Variants in LRRC7 observed in about 807,000 individuals in gnomAD.
LRRC7 encodes the protein leucine-rich repeat-containing protein 7.
LRRC7 carries 23 observed loss-of-function variants against 175.7 expected under a neutral mutation model. That is an observed-to-expected ratio of 0.13 (90% CI 0.09 to 0.19). The LOEUF (loss-of-function observed/expected upper bound fraction) is 0.19. Among genes scored for constraint, LRRC7 ranks in the 10% least tolerant of loss-of-function variants. The pLI is 1.00. For synonymous variants in LRRC7, 685 were observed against 680.9 expected (o/e 1.01, Z -0.09); for missense variants, 1,354 against 1,904.7 (o/e 0.71, Z 5.38).
intron 26 of LRRC7, among the ~76,000 whole-genome samples, chr1:70,116,204 C>T (rs1257501664): frequency 1.3e-5 from 2 of 152,134 alleles, no homozygotes; most frequent in African/African-American, 2.4e-5. Context: ...TTTTATGAGC[C>T]TTAATTCATG....
intron 8 of LRRC7, among the ~76,000 whole-genome samples, chr1:69,977,205 A>G (rs1490813758): frequency 6.6e-6 from 1 of 151,922 alleles, no homozygotes; most frequent in African/African-American, 2.4e-5. Context: ...TTTATTCCTC[A>G]TTACCTCTTT....
At chr1:69,757,173 T>A (rs1670525224) in intron 2 of LRRC7, among the ~76,000 whole-genome samples, 1 of 151,934 alleles carries the variant, frequency 6.6e-6, no homozygotes. Flanking sequence ...TACTTCCTAA[T>A]TAATAGAGCA....
intron 1 of LRRC7, among the ~76,000 whole-genome samples, chr1:69,655,030 C>T (rs1200075416): frequency 6.6e-6 from 1 of 151,992 alleles, no homozygotes; most frequent in East Asian, 1.9e-4. Context: ...TTCTATATCT[C>T]GAAGCTAATT....
intron 18 of LRRC7, among the ~76,000 whole-genome samples, chr1:70,034,690 C>T (rs1268796225): frequency 6.6e-6 from 1 of 152,154 alleles, no homozygotes; most frequent in African/African-American, 2.4e-5. Flanking sequence ...GCTGGATCTT[C>T]GTCTAATCAT....
At chr1:69,776,720 T>A in intron 3 of LRRC7, among the ~76,000 whole-genome samples, 1 of 151,682 alleles carries the variant, frequency 6.6e-6, no homozygotes, top group East Asian at 1.9e-4. Context: ...TGTGTGGGTG[T>A]GTGTGTGGGT....
intron 2 of LRRC7, among the ~76,000 whole-genome samples, chr1:69,722,665 G>C (rs1044005499): frequency 2.0e-5 from 3 of 151,982 alleles, no homozygotes; most frequent in Non-Finnish European, 4.4e-5. Flanking sequence ...CGTTCTGCCA[G>C]GCATAAAGTA....
In LRRC7 at chr1:70,093,792, A is replaced by C. The variant is rs183785231; in HGVS notation, c.4545+3973A>C. 7.5e-4 allele frequency among the ~76,000 whole-genome samples: 114 copies of C among 152,316 alleles called. 1 individual carries two copies. The highest frequency in any genetic ancestry group is 2.7e-3 in the African/African-American group (114 of 41,584). ...GATTCTGCCAATGGAGCAAGCCACA[A>C]TATTCTTTGCTTGTATGTAAGCACT... On this transcript the variant is annotated intron_variant, in intron 25 of 26. Coordinates refer to ENST00000651989, the MANE Select transcript of LRRC7 (RefSeq NM_001370785.2).
rs148625892 is a variant in LRRC7, at chr1:70,108,115, A to G, written c.4620+289A>G. On this transcript the variant is annotated intron_variant, in intron 26 of 26. Coordinates refer to ENST00000651989, the MANE Select transcript of LRRC7 (RefSeq NM_001370785.2). ...TAAGAAATATATATATTATATATAT[A>G]TATTAATCTATGCATAGTTATCAAG... 2.6e-3 allele frequency among the ~76,000 whole-genome samples: 388 copies of G among 149,874 alleles called. 3 individuals are homozygous for G. Among genetic ancestry groups the G allele is most frequent in the Admixed American group, 7.1e-3 (106 of 14,990 alleles).
At chr1:69,844,333 C>T (rs1358331638) in intron 7 of LRRC7, among the ~76,000 whole-genome samples, 1 of 152,020 alleles carries the variant, frequency 6.6e-6, no homozygotes, top group Non-Finnish European at 1.5e-5. Context: ...AAACTTTATA[C>T]CAATTGAACA....
intron 1 of LRRC7, among the ~76,000 whole-genome samples, chr1:69,668,933 A>G (rs530164310): frequency 7.4e-4 from 113 of 152,304 alleles, no homozygotes; most frequent in Admixed American, 1.9e-3. Context: ...TTTTGGCCAC[A>G]TAAATGTCTT....
intron 2 of LRRC7, among the ~76,000 whole-genome samples, chr1:69,686,207 CTG>C (rs1661118584): frequency 6.6e-6 from 1 of 152,108 alleles, no homozygotes; most frequent in Non-Finnish European, 1.5e-5. Flanking sequence ...AGAAAGAAAA[CTG>C]AGAGAATTTG....
chr1:70,009,594 T>G (rs952335816), intron 11 of LRRC7, among the ~76,000 whole-genome samples: 14 of 152,190 alleles, frequency 9.2e-5, no homozygotes, highest in Non-Finnish European at 1.3e-4. Context: ...CTGTGCTAAG[T>G]TCTTAATAAC....
In LRRC7 at chr1:69,688,645, T is replaced by TTTTTA. The variant is rs111722010; in HGVS notation, c.100+10167_100+10168insTTTTA. Among the ~76,000 whole-genome samples, 22 of 148,362 alleles carry TTTTTA rather than the reference T, an allele frequency of 1.5e-4. No homozygotes were observed. In the South Asian group the frequency reaches 4.0e-3, roughly 27 times the overall value. On this transcript the variant is annotated intron_variant, in intron 2 of 26. Transcript: ENST00000651989. ...TTCTTTTTATGGTTTTTTTTTTTTT[T>TTTTTA]AAAAAAAACCTCTTAGAAGCCTTAG...
rs762092207 is a variant in LRRC7 at position 70,038,156 on chromosome 1, CTCAGCCAGCGGGAG to C, written c.2333_2346del (p.Leu778ArgfsTer12). 2 of 1,613,346 alleles carry C rather than the reference CTCAGCCAGCGGGAG, an allele frequency of 1.2e-6. No individual in the cohort carries two copies. The highest frequency in any genetic ancestry group is 1.1e-5 in the South Asian group (1 of 90,926). ...ACAGCCTCTTGATTCAAAGCCATTACTCAGCCAGCGGGAGGCTGTTCCCCCAGGCAATATACCAC... is the reference window on the plus strand; with the variant it reads ...ACAGCCTCTTGATTCAAAGCCATTACGCTGTTCCCCCAGGCAATATACCAC... On this transcript the variant is annotated frameshift_variant, in exon 21 of 27. Coordinates refer to ENST00000651989, the MANE Select transcript of LRRC7 (RefSeq NM_001370785.2). LOFTEE classifies it high-confidence loss of function.
rs551602797 is a variant in LRRC7 at position 70,136,785 on chromosome 1, A to G, written c.*14898A>G. 1.1e-3 allele frequency among the ~76,000 whole-genome samples: 146 copies of G among 129,714 alleles called. No individual in the cohort carries two copies. The highest frequency in any genetic ancestry group is 4.4e-3 in the African/African-American group (144 of 32,846). The allele number at this position is 129,714 out of a possible 152,430, so 85.1% of individuals were successfully genotyped here. On this transcript the variant is annotated 3_prime_UTR_variant, in exon 27 of 27. Transcript: ENST00000651989. ...TGCTCTGTCACCCAGGTTGGAGTGC[A>G]GTGGCATGATCATGGCCCACTGCAG...
chr1:69,690,663 G>T (rs999040292), intron 2 of LRRC7, among the ~76,000 whole-genome samples: 1 of 152,110 alleles, frequency 6.6e-6, no homozygotes, highest in African/African-American at 2.4e-5. Flanking sequence ...AGGTTCATAT[G>T]CCCACTATAC....
At position 69,568,102 on chromosome 1, in the gene LRRC7, C is replaced by G. The variant is rs1646400540; in HGVS notation, c.-538C>G. Among the ~76,000 whole-genome samples, 1 of 152,162 alleles carries G rather than the reference C, an allele frequency of 6.6e-6. No homozygotes were observed. Among genetic ancestry groups the G allele is most frequent in the South Asian group, 2.1e-4 (1 of 4,830 alleles). On this transcript the variant is annotated 5_prime_UTR_variant, in exon 1 of 27. Coordinates refer to ENST00000651989, the MANE Select transcript of LRRC7 (RefSeq NM_001370785.2). ...TGCAGTTGCGGAGCGCTCAGCCCCTCCGAGACGCCCGCTGCGCCCTGGCCC... is the reference window on the plus strand; with the variant it reads ...TGCAGTTGCGGAGCGCTCAGCCCCTGCGAGACGCCCGCTGCGCCCTGGCCC...
At chr1:70,077,666 A>G (rs10493471) in intron 24 of LRRC7, among the ~76,000 whole-genome samples, 23,380 of 152,124 alleles carry the variant, frequency 0.15, 2,871 homozygotes, top group African/African-American at 0.33. Context: ...TTAGCATGCA[A>G]TTATTCTGAA....
chr1:69,865,556 C>T (rs1377964713), intron 7 of LRRC7, among the ~76,000 whole-genome samples: 4 of 135,722 alleles, frequency 2.9e-5, no homozygotes, highest in African/African-American at 1.1e-4. Context: ...TCTCTGCTCA[C>T]TGCAAGCTCT....
Sources: allele counts gnomAD v4.1 joint callset (sites outside exome capture counted in the v4.1 genomes callset), GRCh38; gene constraint gnomAD v4.1.1; transcripts MANE v1.5; gene names NCBI Gene and HGNC (gene_info 2026-07-23, HGNC 2026-07-21).